PXDNL: variants seen among roughly 807,000 people sequenced by gnomAD.
PXDNL encodes the protein peroxidasin like.
In PXDNL, 145 loss-of-function variants were observed where a neutral mutation model predicts 150.8. That is an observed-to-expected ratio of 0.96 (90% CI 0.84 to 1.10). The LOEUF is 1.10. Among genes scored for constraint, PXDNL ranks in the 50% least tolerant of loss-of-function variants. The pLI, the probability that PXDNL is intolerant of heterozygous loss-of-function variation, is 0.00. For synonymous variants in PXDNL, 757 were observed against 725.7 expected, an observed-to-expected ratio of 1.04 and a Z score of -0.69; for missense variants, 2,087 against 1,873.9, an observed-to-expected ratio of 1.11 and a Z score of -2.10.
intron 1 of PXDNL, among the ~76,000 whole-genome samples, chr8:51,797,656 T>C (rs75110076): frequency 1.3e-5 from 2 of 152,190 alleles, no homozygotes; most frequent in Non-Finnish European, 2.9e-5. Flanking sequence ...TATAAGCCAC[T>C]GCTCTAGGAA....
At chr8:51,517,046 CAAAT>C (rs2130368113) in intron 4 of PXDNL, among the ~76,000 whole-genome samples, 1 of 152,262 alleles carries the variant, frequency 6.6e-6, no homozygotes, top group South Asian at 2.1e-4. Flanking sequence ...AAGTATAAAA[CAAAT>C]AAGTAGAACA....
chr8:51,438,888 T>C (rs536246825), intron 12 of PXDNL, among the ~76,000 whole-genome samples: 40 of 152,294 alleles, frequency 2.6e-4, no homozygotes, highest in African/African-American at 8.7e-4. Flanking sequence ...AGAATGAAAC[T>C]GGATCCTCAT....
chr8:51,362,677 G>T (rs918273564), intron 19 of PXDNL, among the ~76,000 whole-genome samples: 3 of 152,124 alleles, frequency 2.0e-5, no homozygotes, highest in African/African-American at 7.2e-5. Flanking sequence ...CTGGGAGTTG[G>T]CCCTTTAGAA....
chr8:51,594,222 TCTG>T (rs778777662), intron 2 of PXDNL, among the ~76,000 whole-genome samples: 12 of 152,236 alleles, frequency 7.9e-5, no homozygotes, highest in Admixed American at 5.2e-4. Context: ...AATTTGCATG[TCTG>T]CTATGATGCA....
At position 51,408,553 on chromosome 8, in the gene PXDNL, T is replaced by TC. The variant is rs753248732; in HGVS notation, c.3070dup (p.Asp1024GlyfsTer5). The TC allele has an allele frequency of 1.2e-5, 20 of 1,612,984 alleles. No homozygotes were observed. The South Asian group carries it at 2.1e-4, about 17-fold the overall frequency. Reference sequence around the variant, plus strand: ...ACCCCTCAGCATCCTAGTGCCAGGGTCCCCCAGGACCTTAGGCAGCCAGTG... The same window carrying TC: ...ACCCCTCAGCATCCTAGTGCCAGGGTCCCCCCAGGACCTTAGGCAGCCAGTG... On this transcript the variant is annotated frameshift_variant, in exon 17 of 23. Coordinates refer to ENST00000356297, the MANE Select transcript of PXDNL (RefSeq NM_144651.5). LOFTEE classifies it high-confidence loss of function.
At chr8:51,623,178 A>G (rs12681754) in intron 2 of PXDNL, among the ~76,000 whole-genome samples, 137,609 of 152,238 alleles carry the variant, frequency 0.9, 62,244 homozygotes, top group Admixed American at 0.92. Context: ...CCCCTAAGAC[A>G]AAAAGCCTCT....
At chr8:51,684,608 C>A (rs1339958357) in intron 1 of PXDNL, among the ~76,000 whole-genome samples, 1 of 152,202 alleles carries the variant, frequency 6.6e-6, no homozygotes, top group Non-Finnish European at 1.5e-5. Context: ...GGTTACTAAT[C>A]AGTTGACTTT....
At chr8:51,632,413 C>T (rs540603841) in intron 2 of PXDNL, among the ~76,000 whole-genome samples, 1 of 152,018 alleles carries the variant, frequency 6.6e-6, no homozygotes, top group African/African-American at 2.4e-5. Context: ...CTACCCTGGT[C>T]AACATGGCAA....
At chr8:51,608,283 A>T (rs1412371175) in intron 2 of PXDNL, among the ~76,000 whole-genome samples, 1 of 143,648 alleles carries the variant, frequency 7.0e-6, no homozygotes, top group Admixed American at 6.8e-5. Context: ...CAGCTACTGT[A>T]GAGGCTGAGG....
intron 5 of PXDNL, among the ~76,000 whole-genome samples, chr8:51,485,403 T>G (rs1810706740): frequency 6.6e-6 from 1 of 152,214 alleles, no homozygotes; most frequent in Admixed American, 6.5e-5. Flanking sequence ...ACTCAGGTTC[T>G]CCTGAGCTCT....
At chr8:51,562,544 T>C (rs1361406126) in intron 3 of PXDNL, among the ~76,000 whole-genome samples, 3 of 151,972 alleles carry the variant, frequency 2.0e-5, no homozygotes, top group Admixed American at 2.0e-4. Flanking sequence ...TGTATTAAGT[T>C]TTTCACTCCA....
intron 3 of PXDNL, among the ~76,000 whole-genome samples, chr8:51,560,993 A>AAGAAAATAT (rs1466368585): frequency 5.9e-5 from 9 of 152,152 alleles, no homozygotes; most frequent in African/African-American, 2.2e-4. Context: ...CAGTTCATCA[A>AAGAAAATAT]AGAAAATATA....
chr8:51,771,712 CAGAAAG>C (rs1217163930), intron 1 of PXDNL, among the ~76,000 whole-genome samples: 1 of 152,080 alleles, frequency 6.6e-6, no homozygotes, highest in Non-Finnish European at 1.5e-5. Context: ...AACAGAGAAA[CAGAAAG>C]AGAGACAGAC....
At chr8:51,793,765 T>G (rs2037536038) in intron 1 of PXDNL, among the ~76,000 whole-genome samples, 1 of 151,950 alleles carries the variant, frequency 6.6e-6, no homozygotes. Flanking sequence ...GACTGACACA[T>G]GTCTGTAATC....
At chr8:51,443,128 A>T (rs7004521) in intron 12 of PXDNL, among the ~76,000 whole-genome samples, 113,567 of 151,966 alleles carry the variant, frequency 0.75, 43,595 homozygotes, top group Non-Finnish European at 0.84. Flanking sequence ...TTCTGTTTAG[A>T]TTTCTCTCTC....
chr8:51,728,920 C>A (rs1235900624), intron 1 of PXDNL, among the ~76,000 whole-genome samples: 1 of 152,192 alleles, frequency 6.6e-6, no homozygotes, highest in African/African-American at 2.4e-5. Context: ...TTCCATCCTG[C>A]AAGCTCCATT....
In PXDNL at chr8:51,564,419, G is replaced by A. The variant is rs184869895; in HGVS notation, c.309-7508C>T. Among the ~76,000 whole-genome samples, 5 of 151,708 alleles carry A rather than the reference G, an allele frequency of 3.3e-5. No individual in the cohort carries two copies. The East Asian group carries it at 5.9e-4, about 18-fold the overall frequency. ...GGTACTGTGCAGGTTTGTTACATACGTAAATTTCAGGTCACAGACGGTTGG... is the reference window on the plus strand; with the variant it reads ...GGTACTGTGCAGGTTTGTTACATACATAAATTTCAGGTCACAGACGGTTGG... On this transcript the variant is annotated intron_variant, in intron 3 of 22. Coordinates refer to ENST00000356297, the MANE Select transcript of PXDNL (RefSeq NM_144651.5).
At chr8:51,321,672 T>G (rs1258355380) in intron 21 of PXDNL, among the ~76,000 whole-genome samples, 1 of 152,118 alleles carries the variant, frequency 6.6e-6, no homozygotes, top group Non-Finnish European at 1.5e-5. Context: ...GCTTCCCCTT[T>G]GCCTTCCACC....
chr8:51,780,219 A>G (rs192287913), intron 1 of PXDNL, among the ~76,000 whole-genome samples: 34 of 152,098 alleles, frequency 2.2e-4, no homozygotes, highest in Non-Finnish European at 4.3e-4. Context: ...CTTAAAAAAA[A>G]AGAAGTGCAG....
Sources: gnomAD v4.1 joint callset for allele counts (sites outside exome capture counted in the v4.1 genomes callset) on GRCh38, gnomAD v4.1.1 for gene constraint, MANE v1.5 for transcripts, NCBI Gene and HGNC (gene_info 2026-07-23, HGNC 2026-07-21) for gene names.